MCF2: variants seen among roughly 807,000 people sequenced by gnomAD.
MCF2 encodes the protein MCF.2 cell line derived transforming sequence.
In MCF2, 44 loss-of-function variants were observed where a neutral mutation model predicts 82.5. That is an observed-to-expected ratio of 0.53 (90% CI 0.42 to 0.69). The LOEUF (loss-of-function observed/expected upper bound fraction) is 0.69. Among genes scored for constraint, MCF2 ranks in the 30% least tolerant of loss-of-function variants. The pLI is 0.00. For synonymous variants in MCF2, 217 were observed against 224.9 expected (o/e 0.96, Z 0.32); for missense variants, 623 against 663.1 (o/e 0.94, Z 0.66).
At chrX:139,697,392 C>T (rs1026315375) in intron 1 of MCF2, among the ~76,000 whole-genome samples, 4 of 111,747 alleles carry the variant, frequency 3.6e-5, no homozygotes. Context: ...AAATATCCAC[C>T]CACTAGATTT....
intron 4 of MCF2, 82 bp from the exon 8 acceptor site, chrX:139,626,838 G>T (rs1968510393): frequency 2.4e-6 from 2 of 838,780 alleles, no homozygotes; most frequent in Non-Finnish European, 3.4e-6. Flanking sequence ...TACAACTATG[G>T]CATGAAGAAT....
At chrX:139,600,010 C>A (rs889213548) in intron 16 of MCF2, among the ~76,000 whole-genome samples, 6 of 111,852 alleles carry the variant, frequency 5.4e-5, no homozygotes, top group Non-Finnish European at 1.1e-4. Context: ...ATACATGCTA[C>A]AACATGGACG....
chrX:139,586,555 G>A, intron 22 of MCF2, 68 bp from the exon 27 acceptor site: 1 of 733,876 alleles, frequency 1.4e-6, no homozygotes, highest in Non-Finnish European at 2.1e-6. Context: ...AATTTAAAGT[G>A]GTATTTCTTC....
chrX:139,583,759 G>C (rs779513589), intron 24 of MCF2, among the ~76,000 whole-genome samples: 1 of 111,546 alleles, frequency 9.0e-6, no homozygotes. Context: ...TAAAATAAAA[G>C]TTGAAAGTAT....
chrX:139,642,885 G>A, exon 1 of MCF2: 1 of 851,841 alleles, frequency 1.2e-6, no homozygotes, highest in Admixed American at 6.2e-5. Flanking sequence ...CTCTTCCTAG[G>A]AGCAGGCTTG....
rs144414622 is a variant in MCF2, at chrX:139,642,469, G to A, written c.50C>T (p.Ala17Val). ...CAGGAGTGCAGACAGAGCCCTTACC[G>A]CATTCCTTCTGAACCTCATCTTGCC... Residue 17 changes from alanine to valine, a missense_variant and splice_region_variant, in exon 1 of 25, where the codon GCG becomes GTG. Coordinates refer to ENST00000370576, the Ensembl canonical transcript of MCF2. The A allele has an allele frequency of 2.1e-3, 2,499 of 1,209,563 alleles. 3 individuals are homozygous for A. Among genetic ancestry groups the A allele is most frequent in the Non-Finnish European group, 2.4e-3 (2,175 of 894,908 alleles).
intron 18 of MCF2, 66 bp downstream of exon 22, chrX:139,597,394 G>T: frequency 1.2e-6 from 1 of 868,097 alleles, no homozygotes; most frequent in Non-Finnish European, 1.7e-6. Flanking sequence ...ATTGGTTCCA[G>T]GAGGGGAAAA....
chrX:139,625,455 C>A (rs1932710704), intron 6 of MCF2, among the ~76,000 whole-genome samples: 1 of 111,202 alleles, frequency 9.0e-6, no homozygotes, highest in Non-Finnish European at 1.9e-5. Context: ...GCCCCGCGTC[C>A]AGAGTACAGT....
chrX:139,599,127 C>T (rs1930335041), intron 16 of MCF2, among the ~76,000 whole-genome samples: 1 of 108,750 alleles, frequency 9.2e-6, no homozygotes, highest in Non-Finnish European at 1.9e-5. Context: ...GGGAAAAATA[C>T]GCCTGAATAA....
upstream of MCF2, among the ~76,000 whole-genome samples, chrX:139,644,377 A>G (rs1933723283): frequency 8.9e-6 from 1 of 112,276 alleles, no homozygotes; most frequent in Non-Finnish European, 1.9e-5. Flanking sequence ...CTTAATCAGG[A>G]AATGAAGAGA....
intron 1 of MCF2, among the ~76,000 whole-genome samples, chrX:139,703,173 TAC>T (rs1301482592): frequency 8.9e-6 from 1 of 112,150 alleles, no homozygotes; most frequent in Non-Finnish European, 1.9e-5. Context: ...TGTGCCCTAA[TAC>T]ACCTTCTGTA....
intron 1 of MCF2, chrX:139,692,188 C>T: frequency 1.1e-6 from 1 of 937,312 alleles, no homozygotes; most frequent in Non-Finnish European, 1.5e-6. Context: ...GCCATCCTCA[C>T]GCTGGAGAGC....
intron 1 of MCF2, among the ~76,000 whole-genome samples, chrX:139,665,844 G>A (rs1369659273): frequency 2.0e-5 from 2 of 99,234 alleles, no homozygotes. Context: ...TTTTTTATAA[G>A]GATATTATAA....
At chrX:139,645,583 A>C (rs778211845), upstream of MCF2, 5 of 1,186,746 alleles carry the variant, frequency 4.2e-6, no homozygotes, top group South Asian at 9.1e-5. Flanking sequence ...TTTTTTGGAG[A>C]GAGATTTTGA....
chrX:139,656,266 G>C (rs1164195057), intron 1 of MCF2, among the ~76,000 whole-genome samples: 9 of 111,277 alleles, frequency 8.1e-5, no homozygotes, highest in Non-Finnish European at 3.8e-5. Flanking sequence ...GTTTCACCGT[G>C]TTAGCCAGGA....
intron 17 of MCF2, among the ~76,000 whole-genome samples, chrX:139,597,959 C>G (rs1458858127): frequency 9.0e-6 from 1 of 111,325 alleles, no homozygotes; most frequent in Non-Finnish European, 1.9e-5. Flanking sequence ...TATGAAAATT[C>G]ACTTTAAAAC....
intron 1 of MCF2, among the ~76,000 whole-genome samples, chrX:139,673,729 C>T (rs1281598802): frequency 8.9e-6 from 1 of 111,953 alleles, no homozygotes; most frequent in African/African-American, 3.3e-5. Context: ...GAGTGCTTTA[C>T]TTCCAACTAT....
chrX:139,641,000 A>T (rs766603510), intron 1 of MCF2, among the ~76,000 whole-genome samples: 1 of 110,286 alleles, frequency 9.1e-6, no homozygotes, highest in Admixed American at 9.7e-5. Context: ...CCTTTCTATT[A>T]GATTGAGAGT....
intron 1 of MCF2, among the ~76,000 whole-genome samples, chrX:139,641,912 AAGTTGTCAGCAGGT>A (rs1198779132): frequency 9.0e-6 from 1 of 111,564 alleles, no homozygotes; most frequent in African/African-American, 3.3e-5. Flanking sequence ...TAAAAGAAAA[AAGTTGTCAGCAGGT>A]GACAATTTTG....
Sources: gnomAD v4.1 joint callset for allele counts (sites outside exome capture counted in the v4.1 genomes callset) on GRCh38, gnomAD v4.1.1 for gene constraint, MANE v1.5 for transcripts, NCBI Gene and HGNC (gene_info 2026-07-23, HGNC 2026-07-21) for gene names.